Variants in ANOS1 observed in about 807,000 individuals in gnomAD.
ANOS1 encodes anosmin 1.
A neutral mutation model predicts 59.0 loss-of-function variants in ANOS1; 6 were observed. The ratio of observed to expected loss-of-function variants is 0.10; its 90% CI spans 0.06 to 0.20. The LOEUF (loss-of-function observed/expected upper bound fraction) is 0.20. Ranked by LOEUF, ANOS1 falls within the 10% of genes least tolerant of loss-of-function variation. ANOS1 has a pLI of 1.00. For missense variants in ANOS1, 433 were observed against 542.3 expected, an observed-to-expected ratio of 0.80 and a Z score of 2.00; for synonymous variants, 217 against 223.4, an observed-to-expected ratio of 0.97 and a Z score of 0.25.
At chrX:8,715,019 T>C (rs1932833874) in intron 1 of ANOS1, among the ~76,000 whole-genome samples, 1 of 111,957 alleles carries the variant, frequency 8.9e-6, no homozygotes, top group Non-Finnish European at 1.9e-5. Context: ...ATTAATTAAA[T>C]GTGATGCAAG....
intron 2 of ANOS1, among the ~76,000 whole-genome samples, chrX:8,624,782 A>G (rs1360896497): frequency 9.1e-6 from 1 of 110,407 alleles, no homozygotes; most frequent in Non-Finnish European, 1.9e-5. Flanking sequence ...TACACTATAT[A>G]TATTATATAT....
intron 9 of ANOS1, among the ~76,000 whole-genome samples, chrX:8,552,793 G>A (rs1039924378): frequency 9.2e-6 from 1 of 109,075 alleles, no homozygotes; most frequent in African/African-American, 3.3e-5. Flanking sequence ...CAATATAATA[G>A]ATCAAATACT....
chrX:8,662,939 G>A (rs1030245465), intron 2 of ANOS1, among the ~76,000 whole-genome samples: 2 of 112,218 alleles, frequency 1.8e-5, no homozygotes, highest in Non-Finnish European at 3.8e-5. Flanking sequence ...CAGGAGAATC[G>A]CTTGAACCCG....
At chrX:8,684,075 A>G (rs1017554938) in intron 2 of ANOS1, among the ~76,000 whole-genome samples, 1 of 112,032 alleles carries the variant, frequency 8.9e-6, no homozygotes, top group Non-Finnish European at 1.9e-5. Context: ...CCAGAAAACA[A>G]AAGTTCTAAG....
At chrX:8,585,003 ATAATGAAAAC>A (rs1930486429) in intron 6 of ANOS1, among the ~76,000 whole-genome samples, 3 of 111,538 alleles carry the variant, frequency 2.7e-5, no homozygotes, top group Admixed American at 9.5e-5. Context: ...ACAGATGTTG[ATAATGAAAAC>A]CCCCCCGCCA....
chrX:8,680,157 T>C (rs1287490017), intron 2 of ANOS1, among the ~76,000 whole-genome samples: 10 of 61,794 alleles, frequency 1.6e-4, no homozygotes, highest in South Asian at 2.6e-3. Flanking sequence ...AGAATGAGAC[T>C]CCATCAAAAA....
intron 2 of ANOS1, among the ~76,000 whole-genome samples, chrX:8,687,490 G>A (rs1932540552): frequency 9.4e-6 from 1 of 106,947 alleles, no homozygotes; most frequent in African/African-American, 3.4e-5. Flanking sequence ...TTCCTGCATA[G>A]ATATGCATCA....
At chrX:8,549,988 C>T (rs1391123606) in intron 9 of ANOS1, among the ~76,000 whole-genome samples, 1 of 111,565 alleles carries the variant, frequency 9.0e-6, no homozygotes, top group East Asian at 2.8e-4. Flanking sequence ...TGTACTGAAA[C>T]TCTCAGCCAG....
intron 10 of ANOS1, among the ~76,000 whole-genome samples, 192 bp downstream of exon 10, chrX:8,539,472 G>A (rs1929646465): frequency 9.0e-6 from 1 of 110,714 alleles, no homozygotes; most frequent in Non-Finnish European, 1.9e-5. Context: ...AACAGAGTAA[G>A]CTCCCAGTGC....
intron 2 of ANOS1, among the ~76,000 whole-genome samples, chrX:8,635,191 C>G (rs752506721): frequency 1.8e-5 from 2 of 110,913 alleles, no homozygotes; most frequent in East Asian, 5.7e-4. Context: ...CTCTTGGACC[C>G]TCTGTGTCCC....
chrX:8,571,183 C>T (rs1930227275), intron 6 of ANOS1, among the ~76,000 whole-genome samples: 1 of 109,434 alleles, frequency 9.1e-6, no homozygotes, highest in African/African-American at 3.3e-5. Context: ...CCTTGTTAAG[C>T]CTCAAATTAA....
At chrX:8,620,518 T>A (rs1197063738) in intron 3 of ANOS1, among the ~76,000 whole-genome samples, 11 of 111,854 alleles carry the variant, frequency 9.8e-5, no homozygotes, top group Admixed American at 6.7e-4. Flanking sequence ...ACAAATAATG[T>A]GAGAATGGGG....
intron 2 of ANOS1, among the ~76,000 whole-genome samples, chrX:8,668,973 C>T (rs1330237618): frequency 3.6e-5 from 4 of 112,048 alleles, no homozygotes; most frequent in Non-Finnish European, 7.5e-5. Flanking sequence ...TTTTTAACTT[C>T]CTCCTTGCTT....
chrX:8,537,915 A>G (rs1195356485), intron 10 of ANOS1, among the ~76,000 whole-genome samples: 1 of 111,408 alleles, frequency 9.0e-6, no homozygotes, highest in African/African-American at 3.3e-5. Context: ...AATTAAAATC[A>G]AAACTGAGGC....
intron 3 of ANOS1, among the ~76,000 whole-genome samples, chrX:8,602,365 T>G (rs1032744964): frequency 9.0e-6 from 1 of 111,653 alleles, no homozygotes; most frequent in African/African-American, 3.3e-5. Context: ...AATGTGCAAA[T>G]TGGTCTCCAG....
At position 8,570,506 on chromosome X, in the gene ANOS1, G is replaced by A. The variant is rs754571346; in HGVS notation, c.1055C>T (p.Thr352Met). 6.6e-6 allele frequency: 8 copies of A among 1,206,128 alleles called. No homozygotes were observed. In the South Asian group the frequency reaches 7.0e-5, roughly 11 times the overall value. Residue 352 changes from threonine (T) to methionine (M), a missense_variant, in exon 7 of 14, where the codon ACG (threonine) becomes ATG (methionine). Transcript: ENST00000262648. ...VPTKKKRRKTTDGFQNSVILE... is the reference protein window; with the variant it reads ...VPTKKKRRKTMDGFQNSVILE... ...CCTCCAGTTCCCACTCACCCCATCCGTAGTCTTTCTCCGCTTCTTCTTTGT... is the reference window on the plus strand; with the variant it reads ...CCTCCAGTTCCCACTCACCCCATCCATAGTCTTTCTCCGCTTCTTCTTTGT...
intron 2 of ANOS1, among the ~76,000 whole-genome samples, chrX:8,629,086 T>C (rs1258539217): frequency 9.0e-6 from 1 of 110,690 alleles, no homozygotes; most frequent in Non-Finnish European, 1.9e-5. Flanking sequence ...TTGTCTCCAC[T>C]AAAAATTAAA....
intron 2 of ANOS1, among the ~76,000 whole-genome samples, chrX:8,631,847 G>A (rs993117583): frequency 1.2e-4 from 13 of 111,985 alleles, no homozygotes; most frequent in South Asian, 3.7e-4. Context: ...CAGAGGCAAC[G>A]GCCAAGTGGT....
intron 1 of ANOS1, among the ~76,000 whole-genome samples, chrX:8,720,534 T>G (rs943693788): frequency 8.9e-6 from 1 of 111,856 alleles, no homozygotes; most frequent in Non-Finnish European, 1.9e-5. Context: ...CGATTCATGG[T>G]TTTAATAGTT....
Sources: allele counts gnomAD v4.1 joint callset (sites outside exome capture counted in the v4.1 genomes callset), GRCh38; gene constraint gnomAD v4.1.1; transcripts MANE v1.5; gene names NCBI Gene and HGNC (gene_info 2026-07-23, HGNC 2026-07-21).